Variants in CAPN10 observed in about 807,000 individuals in gnomAD.
The protein encoded by CAPN10 is calpain 10, also known as calpain-10.
A neutral mutation model predicts 78.4 loss-of-function variants in CAPN10; 71 were observed. That is an observed-to-expected ratio of 0.91 (90% CI 0.75 to 1.10). The LOEUF (loss-of-function observed/expected upper bound fraction) is 1.10. Among genes scored for constraint, CAPN10 ranks in the 50% least tolerant of loss-of-function variants. The pLI, the probability that CAPN10 is intolerant of heterozygous loss-of-function variation, is 0.00. For synonymous variants in CAPN10, 437 were observed against 407.2 expected (o/e 1.07, Z -0.88); for missense variants, 849 against 924.6 (o/e 0.92, Z 1.06).
chr2:240,586,978 G>T lies in CAPN10; in HGVS notation c.67G>T (p.Asp23Tyr). Reference protein sequence around the residue: ...LFRDAAFPAADSSLFCDLSTP... With the variant: ...LFRDAAFPAAYSSLFCDLSTP... ...CCGGGACGCCGCCTTCCCCGCCGCG[G>T]ACTCCTCGCTCTTCTGCGACTTGTC... The change falls in exon 1 of 12, where the codon GAC becomes TAC. Residue 23 changes from aspartate (D) to tyrosine (Y), a missense_variant. Asp to Tyr is a radical substitution (Grantham distance 160). Coordinates refer to ENST00000391984, the MANE Select transcript of CAPN10 (RefSeq NM_023083.4). The T allele has an allele frequency of 6.7e-7, 1 of 1,484,368 alleles. No homozygotes were observed. The allele number at this position is 1,484,368 out of a possible 1,614,324, so 91.9% of individuals were successfully genotyped here. A position where few individuals can be genotyped will look rare whatever the true frequency, so the allele number is the denominator to read the frequency against.
rs567904223 is a variant in CAPN10, at chr2:240,597,984, C to T, written c.1840C>T (p.Arg614Trp). ...ACATCGCTACGCCCAGGAGGTGAGC[C>T]GGCTCTGCCTCCTGCCTGCGGGCAC... ...VPHRYAQEVS[R>W]LCLLPAGTYK... Residue 614 changes from arginine (R) to tryptophan (W), a missense_variant, in exon 10 of 12, where the codon CGG becomes TGG. Arg to Trp is a moderately radical substitution (Grantham distance 101). Coordinates refer to ENST00000391984, the MANE Select transcript of CAPN10 (RefSeq NM_023083.4). 8.1e-6 allele frequency: 13 copies of T among 1,613,092 alleles called. No individual in the cohort carries two copies. The South Asian group carries it at 8.8e-5, about 11-fold the overall frequency.
intron 9 of CAPN10, 31 bp from the exon 10 acceptor site, chr2:240,597,857 C>A (rs1464818811): frequency 1.3e-6 from 2 of 1,550,684 alleles, no homozygotes; most frequent in East Asian, 2.4e-5. Flanking sequence ...CCAAGGCTGG[C>A]CCCCTCAGTC....
Position 240,587,016 on chromosome 2 carries a change from C to G in CAPN10, c.105C>G (p.Ala35=). The part of the protein sequence containing the change: ...SLFCDLSTPL[A]QFREDITWRR... ...TCTGCGACTTGTCTACGCCGCTGGC[C>G]CAGTTCCGCGAGGACATCACGTGGA... Residue 35 remains alanine (A), a synonymous_variant, in exon 1 of 12, where the codon GCC becomes GCG. Transcript: ENST00000391984. The G allele has an allele frequency of 6.8e-7, 1 of 1,467,424 alleles. No individual in the cohort carries two copies. The highest frequency in any genetic ancestry group is 9.0e-7 in the Non-Finnish European group (1 of 1,106,194). The allele number at this position is 1,467,424 out of a possible 1,614,324, so 90.9% of individuals were successfully genotyped here.
intron 9 of CAPN10, among the ~76,000 whole-genome samples, chr2:240,597,642 T>C (rs1305068214): frequency 1.3e-5 from 2 of 152,064 alleles, no homozygotes; most frequent in African/African-American, 4.8e-5. Flanking sequence ...GGCTGGGCAG[T>C]CACAGGTGTT....
chr2:240,589,215 C>T, intron 1 of CAPN10, 128 bp from the exon 2 acceptor site: 1 of 1,237,030 alleles, frequency 8.1e-7, no homozygotes, highest in South Asian at 1.3e-5. Flanking sequence ...CCTTCCTGTC[C>T]CTTTTTGGGT....
Position 240,598,364 on chromosome 2 carries a change from C to T in CAPN10, c.1956C>T (p.His652=), listed in dbSNP as rs761840715. 3 of 1,613,876 alleles carry T rather than the reference C, an allele frequency of 1.9e-6. No homozygotes were observed. The highest frequency in any genetic ancestry group is 2.2e-5 in the East Asian group (1 of 44,882). ...IATRIDRPSI[H]SQEMLGQFLQ... is the part of the protein sequence containing the mutation. ...TGTCTCTCCACAGGCCATCCATTCA[C>T]AGCCAGGAGATGCTGGGCCAGTTCC... Residue 652 remains histidine (H), a synonymous_variant, in exon 11 of 12, where the codon CAC becomes CAT. Coordinates refer to ENST00000391984, the MANE Select transcript of CAPN10 (RefSeq NM_023083.4).
chr2:240,593,937 C>T lies in CAPN10; in HGVS notation c.720C>T (p.Phe240=). 3 of 1,607,518 alleles carry T rather than the reference C, an allele frequency of 1.9e-6. No individual in the cohort carries two copies. Among genetic ancestry groups the T allele is most frequent in the Non-Finnish European group, 2.6e-6 (3 of 1,175,410 alleles). Residue 240 remains phenylalanine, a synonymous_variant, in exon 5 of 12, where the codon TTC becomes TTT. Coordinates refer to ENST00000391984, the MANE Select transcript of CAPN10 (RefSeq NM_023083.4). ...GGGAGCTGGGGGAGTTCCATGCCTT[C>T]ATTGTCTCGGACCTGCGGGAGCTCC... The part of the protein sequence containing the change: ...GARELGEFHA[F]IVSDLRELQG...
intron 1 of CAPN10, 127 bp from the exon 2 acceptor site, chr2:240,589,216 C>T: frequency 7.9e-7 from 1 of 1,273,342 alleles, no homozygotes; most frequent in East Asian, 2.3e-5. Context: ...CTTCCTGTCC[C>T]TTTTTGGGTA....
intron 4 of CAPN10, among the ~76,000 whole-genome samples, 169 bp from the exon 5 acceptor site, chr2:240,593,737 C>T (rs1046366896): frequency 1.1e-4 from 17 of 152,184 alleles, no homozygotes; most frequent in African/African-American, 3.9e-4. Flanking sequence ...TGGGTCACAG[C>T]TGCTAAGAAA....
At chr2:240,592,818 T>C in intron 4 of CAPN10, 1 of 198,380 alleles carries the variant, frequency 5.0e-6, no homozygotes, top group Non-Finnish European at 1.0e-5. Context: ...CACAGTCTCT[T>C]AATCATTCCC....
intron 1 of CAPN10, among the ~76,000 whole-genome samples, chr2:240,587,758 A>G (rs1046032952): frequency 1.3e-5 from 2 of 152,200 alleles, no homozygotes; most frequent in Admixed American, 1.3e-4. Context: ...GGAGGAGGCA[A>G]GGGTCAGACC....
rs41266977 is a variant in CAPN10, at chr2:240,595,196, G to A, written c.1170G>A (p.Ala390=). ...TGCAGAGATCCAGGCTGCACGCGGC[G>A]GACTGGGCAGGCCGGGCCCGGGCAC... The part of the protein sequence containing the change: ...AVLQRSRLHA[A]DWAGRARALV... Residue 390 remains alanine, a synonymous_variant, in exon 7 of 12, where the codon GCG becomes GCA. Coordinates refer to ENST00000391984, the MANE Select transcript of CAPN10 (RefSeq NM_023083.4). 6.0e-5 allele frequency: 97 copies of A among 1,613,648 alleles called. No individual in the cohort carries two copies. The highest frequency in any genetic ancestry group is 1.6e-4 in the Middle Eastern group (1 of 6,084).
intron 2 of CAPN10, 21 bp from the exon 3 acceptor site, chr2:240,590,794 G>A (rs751805182): frequency 6.2e-7 from 1 of 1,610,982 alleles, no homozygotes. Flanking sequence ...CTCGCCTTTT[G>A]CTTCTCCCTG....
chr2:240,591,198 G>A, intron 3 of CAPN10, 187 bp downstream of exon 3: 1 of 593,776 alleles, frequency 1.7e-6, no homozygotes, highest in Non-Finnish European at 3.0e-6. Context: ...TGGGCCTGTG[G>A]ATTGCCCACT....
In CAPN10 at chr2:240,596,709, AC is replaced by A; in HGVS notation, c.1515del (p.Ala507GlnfsTer95). The A allele has an allele frequency of 6.4e-7, 1 of 1,563,286 alleles. No homozygotes were observed. Among genetic ancestry groups the A allele is most frequent in the Non-Finnish European group, 8.7e-7 (1 of 1,153,918 alleles). The stretch of plus-strand genomic sequence containing the variant: ...CATCAGGGCAGTGGCCAAGAACACC[AC>A]CCCCGGGGCAGCCCTGCCTGCGGGG... ...SAIRAVAKNT[T>X]PGAALPAGEW... On this transcript the variant is annotated frameshift_variant, in exon 9 of 12. Coordinates refer to ENST00000391984, the MANE Select transcript of CAPN10 (RefSeq NM_023083.4). LOFTEE classifies it high-confidence loss of function.
rs2125459057 is a variant in CAPN10, at chr2:240,591,012, G to C, written c.470+1G>C. On this transcript the variant is annotated splice_donor_variant, in intron 3 of 11. Transcript: ENST00000391984. LOFTEE classifies it high-confidence loss of function. ...CCTTACTGGAAAAGGTCTACGCCAA[G>C]TGCGTGTGCTGGGGGCTGAAGGGCC... 3.7e-6 allele frequency: 6 copies of C among 1,613,238 alleles called. No homozygotes were observed. In the South Asian group the frequency reaches 6.6e-5, roughly 18 times the overall value.
intron 1 of CAPN10, 51 bp from the exon 2 acceptor site, chr2:240,589,292 A>G (rs2093086434): frequency 1.2e-6 from 2 of 1,612,950 alleles, no homozygotes; most frequent in Non-Finnish European, 1.7e-6. Context: ...CTTAGTTTGA[A>G]GGGTTCCACA....
In CAPN10 at chr2:240,598,377, C is replaced by T. The variant is rs2093151073; in HGVS notation, c.1969C>T (p.Leu657=). ...GCCATCCATTCACAGCCAGGAGATG[C>T]TGGGCCAGTTCCTCCAAGAGGTGTG... ...DRPSIHSQEM[L]GQFLQEVSIM... The change falls in exon 11 of 12, where the codon CTG becomes TTG. Residue 657 remains leucine, a synonymous_variant. Transcript: ENST00000391984. 1 of 1,613,832 alleles carries T rather than the reference C, an allele frequency of 6.2e-7. No individual in the cohort carries two copies. Among genetic ancestry groups the T allele is most frequent in the African/African-American group, 1.3e-5 (1 of 75,040 alleles).
rs2125463370 is a variant in CAPN10, at chr2:240,595,051, T to A, written c.1025T>A (p.Leu342Gln). Reference sequence around the variant, plus strand: ...AGGCTGCTCTGCCATACGCGGGCGCTGCCTGGGGCCTGGGTCAAGGGCCAG... The same window carrying A: ...AGGCTGCTCTGCCATACGCGGGCGCAGCCTGGGGCCTGGGTCAAGGGCCAG... ...TERLLCHTRA[L>Q]PGAWVKGQSA... Residue 342 changes from leucine (L) to glutamine (Q), a missense_variant, in exon 7 of 12, where the codon CTG becomes CAG. By Grantham distance (113) the Leu-to-Gln change is moderately radical (BLOSUM62 -2). Coordinates refer to ENST00000391984, the MANE Select transcript of CAPN10 (RefSeq NM_023083.4). 6.2e-7 allele frequency: 1 copy of A among 1,613,260 alleles called. No individual in the cohort carries two copies. The highest frequency in any genetic ancestry group is 8.5e-7 in the Non-Finnish European group (1 of 1,180,010).
Sources: gnomAD v4.1 joint callset for allele counts (sites outside exome capture counted in the v4.1 genomes callset) on GRCh38, gnomAD v4.1.1 for gene constraint, MANE v1.5 for transcripts, NCBI Gene and HGNC (gene_info 2026-07-23, HGNC 2026-07-21) for gene names.